The following RNF167 variants were observed in gnomAD, a reference collection of about 807,000 sequenced individuals.
RNF167 encodes E3 ubiquitin-protein ligase RNF167.
In RNF167, 19 loss-of-function variants were observed where a neutral mutation model predicts 34.8. The observed-to-expected ratio is 0.55, with a 90% CI of 0.38 to 0.80. The LOEUF (loss-of-function observed/expected upper bound fraction) is 0.80. Among genes scored for constraint, RNF167 ranks in the 30% least tolerant of loss-of-function variants. The pLI is 0.00. For synonymous variants in RNF167, 200 were observed against 170.4 expected (o/e 1.17, Z -1.35); for missense variants, 464 against 447.0 (o/e 1.04, Z -0.34).
At chr17:4,941,955 AGT>A (rs1184919270) in intron 3 of RNF167, among the ~76,000 whole-genome samples, 1 of 152,040 alleles carries the variant, frequency 6.6e-6, no homozygotes, top group African/African-American at 2.4e-5. Flanking sequence ...AAGGGAGGGG[AGT>A]GTGTCTGTAT....
intron 4 of RNF167, 25 bp from the exon 5 acceptor site, chr17:4,942,552 C>G: frequency 6.2e-7 from 1 of 1,613,932 alleles, no homozygotes; most frequent in Non-Finnish European, 8.5e-7. Context: ...ATGATGGCTC[C>G]TTGTCCTCTG....
Position 4,942,919 on chromosome 17 carries a change from GC to G in RNF167, c.451del (p.Leu151SerfsTer41), listed in dbSNP as rs1438681510. ...GGAGAGAAGCTCCGAGTACCTGCGT[GC>G]CCTCTTTGTCTACGAGAAGGGGTAG... Reference protein sequence around the residue: ...IGERSSEYLRALFVYEKGARV... With the variant: ...IGERSSEYLRXLFVYEKGARV... On this transcript the variant is annotated frameshift_variant, in exon 6 of 10. Coordinates refer to ENST00000262482, the MANE Select transcript of RNF167 (RefSeq NM_015528.3). LOFTEE classifies it high-confidence loss of function. The G allele has an allele frequency of 6.2e-7, 1 of 1,614,074 alleles. No individual in the cohort carries two copies. Among genetic ancestry groups the G allele is most frequent in the Non-Finnish European group, 8.5e-7 (1 of 1,180,006 alleles).
chr17:4,944,479 T>C (rs1250948546), intron 8 of RNF167, 79 bp from the exon 9 acceptor site: 6 of 1,510,364 alleles, frequency 4.0e-6, no homozygotes, highest in Non-Finnish European at 5.3e-6. Flanking sequence ...TGAGGGGAAA[T>C]TTTTGCAAGG....
In RNF167 at chr17:4,945,155, A is replaced by G. The variant is rs6559; in HGVS notation, c.*139A>G. 0.8 allele frequency: 594,192 copies of G among 744,788 alleles called. 240,904 individuals are homozygous for G. The highest frequency in any genetic ancestry group is 0.93 in the African/African-American group (51,387 of 55,166). 46.1% of individuals were successfully genotyped at this position (744,788 alleles called of 1,614,324 possible). A position where few individuals can be genotyped will look rare whatever the true frequency, so the allele number is the denominator to read the frequency against. ...ATCCTTTTGAGGGGCTTTGGGGTGGAGCTGGGGCAAGCAGAGGGACTGGGT... is the reference window on the plus strand; with the variant it reads ...ATCCTTTTGAGGGGCTTTGGGGTGGGGCTGGGGCAAGCAGAGGGACTGGGT... On this transcript the variant is annotated 3_prime_UTR_variant, in exon 10 of 10. Transcript: ENST00000262482.
At position 4,944,587 on chromosome 17, in the gene RNF167, C is replaced by T; in HGVS notation, c.700C>T (p.Leu234=). 1.2e-6 allele frequency: 2 copies of T among 1,608,220 alleles called. No homozygotes were observed. Among genetic ancestry groups the T allele is most frequent in the Non-Finnish European group, 1.7e-6 (2 of 1,177,262 alleles). The change falls in exon 9 of 10, where the codon CTG becomes TTG. Residue 234 remains leucine, a synonymous_variant. Coordinates refer to ENST00000262482, the MANE Select transcript of RNF167 (RefSeq NM_015528.3). ...CCAGTATGATGTCTGTGCCATTTGC[C>T]TGGATGAATATGAGGATGGGGACAA... ...GDQYDVCAIC[L]DEYEDGDKLR...
chr17:4,944,585 G>T lies in RNF167; in HGVS notation c.698G>T (p.Cys233Phe). 2 of 1,608,060 alleles carry T rather than the reference G, an allele frequency of 1.2e-6. No individual in the cohort carries two copies. The highest frequency in any genetic ancestry group is 1.7e-6 in the Non-Finnish European group (2 of 1,177,096). ...KGDQYDVCAI[C>F]LDEYEDGDKL... ...GACCAGTATGATGTCTGTGCCATTT[G>T]CCTGGATGAATATGAGGATGGGGAC... Residue 233 changes from cysteine (C) to phenylalanine (F), a missense_variant, in exon 9 of 10, where the codon TGC (cysteine) becomes TTC (phenylalanine). Physicochemically the swap from Cys to Phe is radical, Grantham distance 205. Coordinates refer to ENST00000262482, the MANE Select transcript of RNF167 (RefSeq NM_015528.3).
chr17:4,944,238 G>A (rs891984772), intron 8 of RNF167: 7 of 250,006 alleles, frequency 2.8e-5, no homozygotes, highest in Admixed American at 2.7e-4. Flanking sequence ...GGTACCAAGG[G>A]GCTGGGGCTT....
intron 4 of RNF167, 37 bp downstream of exon 4, chr17:4,942,503 G>T: frequency 6.2e-7 from 1 of 1,612,824 alleles, no homozygotes; most frequent in African/African-American, 1.3e-5. Flanking sequence ...GCAGCTGAGG[G>T]TAAAAAAAAG....
chr17:4,941,210 C>G, intron 3 of RNF167, 53 bp downstream of exon 3: 1 of 1,516,184 alleles, frequency 6.6e-7, no homozygotes, highest in Admixed American at 1.8e-5. Context: ...CCTTTTCTGT[C>G]TTTTTTCTTT....
chr17:4,943,145 C>T, intron 6 of RNF167, 34 bp from the exon 7 acceptor site: 2 of 1,587,764 alleles, frequency 1.3e-6, no homozygotes, highest in South Asian at 1.1e-5. Flanking sequence ...CTTTGCCTTT[C>T]TCGCCCTGCT....
chr17:4,940,163 G>A, upstream of RNF167: 2 of 397,436 alleles, frequency 5.0e-6, no homozygotes, highest in East Asian at 8.4e-5. Context: ...GAGGAAAGGC[G>A]CTGTTTTCAC....
chr17:4,944,839 G>C lies in RNF167; in HGVS notation c.876G>C (p.Glu292Asp), dbSNP rs376072287. ...EDQEEETQGQ[E>D]EGDEGEPRDH... ...AAGAGGAAGAAACTCAAGGGCAAGA[G>C]GAGGGTGATGAAGGGGAGCCAAGGG... The change falls in exon 10 of 10, where the codon GAG becomes GAC. Residue 292 changes from glutamate to aspartate, a missense_variant. Physicochemically the swap from Glu to Asp is conservative, Grantham distance 45. Coordinates refer to ENST00000262482, the MANE Select transcript of RNF167 (RefSeq NM_015528.3). The C allele has an allele frequency of 2.5e-5, 40 of 1,613,500 alleles. No individual in the cohort carries two copies. The highest frequency in any genetic ancestry group is 8.3e-5 in the Admixed American group (5 of 59,916).
chr17:4,940,898 C>T lies in RNF167; in HGVS notation c.-12C>T, dbSNP rs565177578. On this transcript the variant is annotated 5_prime_UTR_variant, in exon 2 of 10. Transcript: ENST00000262482. Reference sequence around the variant, plus strand: ...GACGCGCGGCCTCCTCAGCCTCTTTCCTCCCGCTGCCATGCACCCTGCAGC... The same window carrying T: ...GACGCGCGGCCTCCTCAGCCTCTTTTCTCCCGCTGCCATGCACCCTGCAGC... 1 of 1,569,818 alleles carries T rather than the reference C, an allele frequency of 6.4e-7. No individual in the cohort carries two copies. Among genetic ancestry groups the T allele is most frequent in the Non-Finnish European group, 8.6e-7 (1 of 1,156,084 alleles).
At chr17:4,941,195 T>C (rs756928778) in intron 3 of RNF167, 38 bp downstream of exon 3, 9 of 1,490,196 alleles carry the variant, frequency 6.0e-6, no homozygotes, top group African/African-American at 5.5e-5. Context: ...TTCCCTCCCT[T>C]CCTTCCTTTT....
In RNF167 at chr17:4,943,160, C is replaced by A; in HGVS notation, c.471-19C>A. On this transcript the variant is annotated intron_variant, in intron 6 of 9. Coordinates refer to ENST00000262482, the MANE Select transcript of RNF167 (RefSeq NM_015528.3). ...CTTTGCCTTTCTCGCCCTGCTGAGA[C>A]TGGTCATCCTTTTCCCAGGGCTCGG... 6.2e-7 allele frequency: 1 copy of A among 1,606,200 alleles called. No individual in the cohort carries two copies. The highest frequency in any genetic ancestry group is 8.5e-7 in the Non-Finnish European group (1 of 1,173,206).
At chr17:4,943,390 T>A (rs768215828) in intron 7 of RNF167, 36 bp from the exon 8 acceptor site, 2 of 1,600,338 alleles carry the variant, frequency 1.2e-6, no homozygotes, top group South Asian at 2.2e-5. Context: ...CTAGTTTTGT[T>A]CCTAAGCCTT....
Position 4,945,194 on chromosome 17 carries a change from G to A in RNF167, c.*178G>A, listed in dbSNP as rs745542187. The A allele has an allele frequency of 1.3e-5, 7 of 536,624 alleles. No individual in the cohort carries two copies. The highest frequency in any genetic ancestry group is 5.9e-5 in the African/African-American group (3 of 50,756). 33.2% of individuals were successfully genotyped at this position (536,624 alleles called of 1,614,324 possible). A position where few individuals can be genotyped will look rare whatever the true frequency, so the allele number is the denominator to read the frequency against. On this transcript the variant is annotated 3_prime_UTR_variant, in exon 10 of 10. Coordinates refer to ENST00000262482, the MANE Select transcript of RNF167 (RefSeq NM_015528.3). ...GAGGGACTGGGTCTTCACTTCTTGGGCTAATAAAATTGTTTCTTTGTGGAC... is the reference window on the plus strand; with the variant it reads ...GAGGGACTGGGTCTTCACTTCTTGGACTAATAAAATTGTTTCTTTGTGGAC...
chr17:4,943,635 T>A, intron 8 of RNF167, 116 bp downstream of exon 8: 1 of 833,848 alleles, frequency 1.2e-6, no homozygotes, highest in Non-Finnish European at 2.0e-6. Flanking sequence ...GTGGCTCACG[T>A]AATCCCAAGT....
chr17:4,943,528 G>C lies in RNF167; in HGVS notation c.670+9G>C, dbSNP rs1334028367. ...ACATGACTATCAGAAGGGTGAGGGG[G>C]TTAGGGGAGAAGAGGGCTTTTCCCA... On this transcript the variant is annotated intron_variant, in intron 8 of 9. Coordinates refer to ENST00000262482, the MANE Select transcript of RNF167 (RefSeq NM_015528.3). The C allele has an allele frequency of 5.0e-6, 8 of 1,604,912 alleles. No individual in the cohort carries two copies. Among genetic ancestry groups the C allele is most frequent in the Admixed American group, 1.7e-5 (1 of 59,686 alleles).
Sources: gnomAD v4.1 joint callset for allele counts (sites outside exome capture counted in the v4.1 genomes callset) on GRCh38, gnomAD v4.1.1 for gene constraint, MANE v1.5 for transcripts, NCBI Gene and HGNC (gene_info 2026-07-23, HGNC 2026-07-21) for gene names.